MACROD2: variants seen among roughly 807,000 people sequenced by gnomAD.
MACROD2 encodes ADP-ribose glycohydrolase MACROD2.
A neutral mutation model predicts 70.4 loss-of-function variants in MACROD2; 36 were observed. The observed-to-expected ratio is 0.51, with a 90% CI of 0.39 to 0.68. The LOEUF (loss-of-function observed/expected upper bound fraction) is 0.68. Ranked by LOEUF, MACROD2 falls within the 30% of genes least tolerant of loss-of-function variation. The probability of loss-of-function intolerance (pLI) is 0.00; values close to 1 mark genes in which losing one functional copy is unlikely to be tolerated. For synonymous variants in MACROD2, 172 were observed against 178.8 expected (o/e 0.96, Z 0.30); for missense variants, 496 against 538.4 (o/e 0.92, Z 0.78).
intron 8 of MACROD2, among the ~76,000 whole-genome samples, chr20:15,740,660 T>C (rs936706801): frequency 2.6e-5 from 4 of 151,992 alleles, no homozygotes; most frequent in Admixed American, 6.5e-5. Context: ...AAGCTTAGCA[T>C]ACCTAAAACA....
intron 8 of MACROD2, chr20:15,552,320 A>G (rs1039250083): frequency 6.6e-6 from 1 of 152,154 alleles, no homozygotes; most frequent in African/African-American, 2.4e-5. Flanking sequence ...TTTCCTGTCC[A>G]TGGCCCTTTT....
chr20:15,700,096 A>T (rs986637205), intron 8 of MACROD2, among the ~76,000 whole-genome samples: 1 of 152,076 alleles, frequency 6.6e-6, no homozygotes, highest in African/African-American at 2.4e-5. Context: ...GGGGCACTCA[A>T]TATTTGGGGG....
chr20:14,369,376 A>G (rs1008823277), intron 3 of MACROD2, among the ~76,000 whole-genome samples: 4 of 152,216 alleles, frequency 2.6e-5, no homozygotes, highest in Admixed American at 1.3e-4. Context: ...TGCAGTTTTG[A>G]AGACTGCTGT....
chr20:14,201,729 A>T (rs2081481304), intron 3 of MACROD2, among the ~76,000 whole-genome samples: 1 of 151,794 alleles, frequency 6.6e-6, no homozygotes, highest in Non-Finnish European at 1.5e-5. Flanking sequence ...AATCCCAGCT[A>T]CTTGGGAGGC....
chr20:15,797,873 A>G (rs1361191787), intron 8 of MACROD2, among the ~76,000 whole-genome samples: 2 of 152,210 alleles, frequency 1.3e-5, no homozygotes, highest in African/African-American at 2.4e-5. Context: ...ATTTCTAACA[A>G]GTTCCCAAGT....
intron 5 of MACROD2, among the ~76,000 whole-genome samples, chr20:15,093,436 C>T (rs1032998508): frequency 2.6e-5 from 4 of 151,972 alleles, no homozygotes; most frequent in African/African-American, 7.3e-5. Flanking sequence ...TTTCTTTGCT[C>T]CAATGTTTAA....
intron 3 of MACROD2, among the ~76,000 whole-genome samples, chr20:14,360,439 G>A (rs866284230): frequency 6.6e-6 from 1 of 152,094 alleles, no homozygotes; most frequent in Non-Finnish European, 1.5e-5. Context: ...GTCTCAGAAA[G>A]GGAAGGTAGG....
intron 6 of MACROD2, among the ~76,000 whole-genome samples, chr20:15,281,817 G>A (rs537821323): frequency 2.6e-5 from 4 of 152,198 alleles, no homozygotes; most frequent in Non-Finnish European, 2.9e-5. Context: ...CAGTGCCCCA[G>A]TGGGGACTCT....
At chr20:15,524,810 ATTACCTACTT>A (rs1233275491) in intron 8 of MACROD2, among the ~76,000 whole-genome samples, 6 of 152,240 alleles carry the variant, frequency 3.9e-5, no homozygotes, top group Non-Finnish European at 7.3e-5. Context: ...TAAAAGTTCA[ATTACCTACTT>A]TTACCAACCA....
chr20:15,092,629 T>A (rs1404752998), intron 5 of MACROD2, among the ~76,000 whole-genome samples: 1 of 151,918 alleles, frequency 6.6e-6, no homozygotes, highest in East Asian at 1.9e-4. Flanking sequence ...ATTGTACAAA[T>A]CCAACTTCAA....
chr20:15,983,372 C>T (rs971500355), intron 13 of MACROD2, among the ~76,000 whole-genome samples: 5 of 152,142 alleles, frequency 3.3e-5, no homozygotes, highest in Non-Finnish European at 7.4e-5. Context: ...AGCACAAGTG[C>T]CACTCTAGTT....
intron 4 of MACROD2, among the ~76,000 whole-genome samples, chr20:14,618,682 C>T (rs1983624469): frequency 6.6e-6 from 1 of 152,104 alleles, no homozygotes; most frequent in Non-Finnish European, 1.5e-5. Flanking sequence ...TTGCACTATG[C>T]AGCTCTCCTC....
At chr20:14,037,924 C>T (rs902004930) in intron 2 of MACROD2, among the ~76,000 whole-genome samples, 7 of 151,752 alleles carry the variant, frequency 4.6e-5, no homozygotes, top group South Asian at 2.1e-4. Context: ...TTGAGGTGGG[C>T]GGATTGAGGC....
chr20:15,161,505 CATA>C (rs1335419199), intron 5 of MACROD2, among the ~76,000 whole-genome samples: 1 of 151,724 alleles, frequency 6.6e-6, no homozygotes, highest in Non-Finnish European at 1.5e-5. Flanking sequence ...AGAGGAATCT[CATA>C]ATATTTGTAC....
At chr20:15,994,162 G>A (rs1229125097) in intron 15 of MACROD2, among the ~76,000 whole-genome samples, 2 of 152,134 alleles carry the variant, frequency 1.3e-5, no homozygotes, top group Non-Finnish European at 2.9e-5. Context: ...TATCAGAGTA[G>A]GGCAGTAGCT....
At position 15,136,611 on chromosome 20, in the gene MACROD2, G is replaced by A. The variant is rs867689804; in HGVS notation, c.419-93329G>A. Among the ~76,000 whole-genome samples, 552 of 152,008 alleles carry A rather than the reference G, an allele frequency of 3.6e-3. 2 individuals are homozygous for A. Among genetic ancestry groups the A allele is most frequent in the Middle Eastern group, 0.017 (5 of 294 alleles). On this transcript the variant is annotated intron_variant, in intron 5 of 17. Transcript: ENST00000684519. Reference sequence around the variant, plus strand: ...TTAGACCTAAAACCATAAAAACCCTGGAAGAAAACCTAGGCATTACCATTC... The same window carrying A: ...TTAGACCTAAAACCATAAAAACCCTAGAAGAAAACCTAGGCATTACCATTC...
chr20:14,769,100 A>G (rs1289939934), intron 5 of MACROD2, among the ~76,000 whole-genome samples: 1 of 152,032 alleles, frequency 6.6e-6, no homozygotes, highest in East Asian at 1.9e-4. Context: ...CTAACCATTG[A>G]TGAGCTTACA....
intron 12 of MACROD2, among the ~76,000 whole-genome samples, chr20:15,946,718 A>G (rs1300693696): frequency 6.6e-6 from 1 of 152,204 alleles, no homozygotes; most frequent in East Asian, 1.9e-4. Flanking sequence ...AGGTGGGATG[A>G]GAGACTGAGA....
chr20:14,681,418 AT>A (rs1317086159), intron 4 of MACROD2, among the ~76,000 whole-genome samples: 2 of 152,210 alleles, frequency 1.3e-5, no homozygotes, highest in Non-Finnish European at 2.9e-5. Flanking sequence ...AGTATTACAA[AT>A]AAAAAGGAAG....
Sources: gnomAD v4.1 joint callset for allele counts (sites outside exome capture counted in the v4.1 genomes callset) on GRCh38, gnomAD v4.1.1 for gene constraint, MANE v1.5 for transcripts, NCBI Gene and HGNC (gene_info 2026-07-23, HGNC 2026-07-21) for gene names.